Variants in CD177 observed in about 807,000 individuals in gnomAD.
CD177 encodes CD177 molecule.
A neutral mutation model predicts 38.1 loss-of-function variants in CD177; 41 were observed. The ratio of observed to expected loss-of-function variants is 1.07; its 90% CI spans 0.84 to 1.39. CD177 has a LOEUF of 1.39. Ranked by LOEUF, CD177 falls within the 40% of genes most tolerant of loss-of-function variation. The pLI is 0.00. For synonymous variants in CD177, 236 were observed against 216.7 expected, an observed-to-expected ratio of 1.09 and a Z score of -0.78; for missense variants, 619 against 523.8, an observed-to-expected ratio of 1.18 and a Z score of -1.77.
rs1487773645 is a variant in CD177, at chr19:43,353,723, G to A, written c.9G>A (p.Ala3=). The A allele has an allele frequency of 3.1e-6, 5 of 1,613,862 alleles. No homozygotes were observed. Among genetic ancestry groups the A allele is most frequent in the South Asian group, 1.1e-5 (1 of 91,086 alleles). Residue 3 remains alanine (A), a synonymous_variant, in exon 1 of 9, where the codon GCG becomes GCA. Transcript: ENST00000618265. ...CCAGCCACAGACGGGTCATGAGCGC[G>A]GTATTACTGCTGGCCCTCCTGGGGT... MS[A]VLLLALLGFI...
intron 8 of CD177, 116 bp from the exon 9 acceptor site, chr19:43,361,965 AGCTGGAG>A: frequency 1.4e-6 from 1 of 722,318 alleles, no homozygotes; most frequent in Non-Finnish European, 2.2e-6. Context: ...GGGTCTGAGG[AGCTGGAG>A]CTGGGGGTCT....
chr19:43,355,813 G>A, intron 4 of CD177, 30 bp downstream of exon 4: 1 of 1,612,592 alleles, frequency 6.2e-7, no homozygotes, highest in Non-Finnish European at 8.5e-7. Flanking sequence ...GTCCCTGTGG[G>A]GACTGAACTG....
At position 43,361,473 on chromosome 19, in the gene CD177, T is replaced by A; in HGVS notation, c.975T>A (p.Cys325Ter). Residue 325 changes from cysteine (C) to a stop codon, truncating the protein, a stop_gained, in exon 8 of 9, where the codon TGT becomes TGA. Transcript: ENST00000618265. LOFTEE classifies it high-confidence loss of function. ...QAAPVPGDRQCPTCVQPLGTC... is the reference protein window; with the variant it reads ...QAAPVPGDRQ ...CCCCTGTCCCAGGAGACCGGCAGTG[T>A]CCTACCTGTGTGCAGCCCCTTGGAA... 3 of 1,588,162 alleles carry A rather than the reference T, an allele frequency of 1.9e-6. No homozygotes were observed. The highest frequency in any genetic ancestry group is 2.6e-6 in the Non-Finnish European group (3 of 1,160,646).
chr19:43,364,526 G>A (rs1190863968), downstream of CD177, among the ~76,000 whole-genome samples: 5 of 149,462 alleles, frequency 3.3e-5, no homozygotes, highest in South Asian at 2.2e-4. Flanking sequence ...CCAGCCACCC[G>A]ACCTCCCTCT....
At chr19:43,363,799 A>G (rs916453115), downstream of CD177, among the ~76,000 whole-genome samples, 11 of 152,138 alleles carry the variant, frequency 7.2e-5, no homozygotes, top group African/African-American at 1.4e-4. Flanking sequence ...ATGAAAATCA[A>G]AGTCCAGGAC....
At chr19:43,365,692 C>T (rs12973760), downstream of CD177, among the ~76,000 whole-genome samples, 66,458 of 142,962 alleles carry the variant, frequency 0.46, 16,108 homozygotes, top group African/African-American at 0.6. Flanking sequence ...CTAAGGCAGC[C>T]GCCGTCCACT....
chr19:43,360,053 G>A (rs1218378594), intron 5 of CD177, among the ~76,000 whole-genome samples: 2 of 151,884 alleles, frequency 1.3e-5, no homozygotes, highest in Non-Finnish European at 2.9e-5. Flanking sequence ...GGCTGTGAGA[G>A]GACGTCCCTG....
chr19:43,354,776 T>G (rs1305533327), intron 3 of CD177, among the ~76,000 whole-genome samples: 2 of 152,186 alleles, frequency 1.3e-5, no homozygotes, highest in Non-Finnish European at 2.9e-5. Flanking sequence ...GACTGAACTG[T>G]AACTTTCCAC....
Position 43,354,342 on chromosome 19 carries a change from G to T in CD177, c.329G>T (p.Cys110Phe). ...TTCGTGTGCCGCCAGGAGGACTTCT[G>T]CAACAACCTCGTTAACTCCCTCCCG... ...YTFVCRQEDF[C>F]NNLVNSLPLW... The change falls in exon 3 of 9, where the codon TGC becomes TTC. Residue 110 changes from cysteine (C) to phenylalanine (F), a missense_variant. Coordinates refer to ENST00000618265, the MANE Select transcript of CD177 (RefSeq NM_020406.4). The T allele has an allele frequency of 1.2e-6, 2 of 1,613,916 alleles. No homozygotes were observed. Among genetic ancestry groups the T allele is most frequent in the Non-Finnish European group, 1.7e-6 (2 of 1,179,860 alleles).
chr19:43,364,427 G>A (rs1368207920), downstream of CD177, among the ~76,000 whole-genome samples: 1 of 152,206 alleles, frequency 6.6e-6, no homozygotes, highest in East Asian at 1.9e-4. Flanking sequence ...TGTCTTTAGT[G>A]GGTTTCTGTA....
Position 43,355,772 on chromosome 19 carries a change from G to A in CD177, c.491G>A (p.Arg164Lys), listed in dbSNP as rs1369311258. The change falls in exon 4 of 9, where the codon AGG (arginine) becomes AAG (lysine). Residue 164 changes from arginine (R) to lysine (K), a missense_variant. Transcript: ENST00000618265. ...GTTHCYDGLL[R>K]LRGGGIFSNL... ...ACACACTGTTATGATGGCCTCCTCAGGCTCAGGGGAGGTAAGCCTGGGACA... is the reference window on the plus strand; with the variant it reads ...ACACACTGTTATGATGGCCTCCTCAAGCTCAGGGGAGGTAAGCCTGGGACA... 1 of 1,613,020 alleles carries A rather than the reference G, an allele frequency of 6.2e-7. No homozygotes were observed. Among genetic ancestry groups the A allele is most frequent in the African/African-American group, 1.3e-5 (1 of 74,736 alleles).
At chr19:43,361,876 C>T (rs1024442351) in intron 8 of CD177, among the ~76,000 whole-genome samples, 1 of 123,410 alleles carries the variant, frequency 8.1e-6, no homozygotes, top group Non-Finnish European at 1.7e-5. Context: ...AGGCTCTGGA[C>T]TCCTGGGTCT....
Position 43,362,099 on chromosome 19 carries a change from A to G in CD177, c.1093A>G (p.Thr365Ala), listed in dbSNP as rs751529556. The G allele has an allele frequency of 1.9e-6, 3 of 1,613,664 alleles. No individual in the cohort carries two copies. The highest frequency in any genetic ancestry group is 1.7e-6 in the Non-Finnish European group (2 of 1,179,664). ...YIHLSGGGLS[T>A]KMSIQGCVAQ... Reference sequence around the variant, plus strand: ...TCTTCTCCCTCTAGGTGGGCTGTCCACCAAAATGAGCATTCAGGGCTGCGT... The same window carrying G: ...TCTTCTCCCTCTAGGTGGGCTGTCCGCCAAAATGAGCATTCAGGGCTGCGT... Residue 365 changes from threonine (T) to alanine (A), a missense_variant, in exon 9 of 9, where the codon ACC becomes GCC. Physicochemically the swap from Thr to Ala is moderately conservative, Grantham distance 58. Transcript: ENST00000618265.
downstream of CD177, among the ~76,000 whole-genome samples, chr19:43,363,335 A>G (rs1361592059): frequency 6.6e-6 from 1 of 152,158 alleles, no homozygotes; most frequent in African/African-American, 2.4e-5. Flanking sequence ...CATAGCCCAA[A>G]AAGGGTGAGG....
chr19:43,360,490 T>A, intron 6 of CD177, 85 bp downstream of exon 6: 3 of 1,365,276 alleles, frequency 2.2e-6, no homozygotes, highest in Non-Finnish European at 3.0e-6. Context: ...CCCCTGAATT[T>A]CCTGCTCAGC....
At position 43,361,712 on chromosome 19, in the gene CD177, G is replaced by A. The variant is rs193180411; in HGVS notation, c.1081+133G>A. ...CGCTGGGGGCCTGGACTCCTGGTCC[G>A]AGGGAGGAGGGGCTGGGGGCCTGGA... On this transcript the variant is annotated intron_variant, in intron 8 of 8. Coordinates refer to ENST00000618265, the MANE Select transcript of CD177 (RefSeq NM_020406.4). The A allele has an allele frequency of 2.3e-4, 204 of 898,558 alleles. 1 individual carries two copies. The African/African-American group carries it at 2.6e-3, about 12-fold the overall frequency. 55.7% of individuals were successfully genotyped at this position (898,558 alleles called of 1,614,324 possible).
chr19:43,361,815 G>T (rs544830083), intron 8 of CD177, among the ~76,000 whole-genome samples: 104 of 148,714 alleles, frequency 7.0e-4, no homozygotes, highest in Non-Finnish European at 1.1e-3. Context: ...CTGGACTCCT[G>T]GTCTGAGGGA....
chr19:43,355,664 C>G lies in CD177; in HGVS notation c.383C>G (p.Pro128Arg). The G allele has an allele frequency of 6.2e-7, 1 of 1,612,682 alleles. No individual in the cohort carries two copies. The highest frequency in any genetic ancestry group is 1.1e-5 in the South Asian group (1 of 91,014). ...PLWAPQPPAD[P>R]GSLRCPVCLS... is the part of the protein sequence containing the mutation. ...ACTCTGTCTGTCACTTTCCTAGACC[C>G]AGGATCCTTGAGGTGCCCAGTCTGC... is the stretch of plus-strand genomic sequence containing the variant. Residue 128 changes from proline (P) to arginine (R), a missense_variant, in exon 4 of 9, where the codon CCA becomes CGA. By Grantham distance (103) the Pro-to-Arg change is moderately radical. Transcript: ENST00000618265.
chr19:43,364,274 C>T (rs747967812), downstream of CD177, among the ~76,000 whole-genome samples: 6 of 152,178 alleles, frequency 3.9e-5, no homozygotes, highest in East Asian at 1.9e-4. Flanking sequence ...GTCCTGGGGG[C>T]GGGGCTGCTG....
Sources: gnomAD v4.1 joint callset for allele counts (sites outside exome capture counted in the v4.1 genomes callset) on GRCh38, gnomAD v4.1.1 for gene constraint, MANE v1.5 for transcripts, NCBI Gene and HGNC (gene_info 2026-07-23, HGNC 2026-07-21) for gene names.